The following CSMD1 variants were observed in gnomAD, a reference collection of about 807,000 sequenced individuals.
CSMD1 encodes CUB and sushi domain-containing protein 1.
In CSMD1, 213 loss-of-function variants were observed where a neutral mutation model predicts 417.5. The ratio of observed to expected loss-of-function variants is 0.51; its 90% confidence interval spans 0.46 to 0.57. The LOEUF (loss-of-function observed/expected upper bound fraction) is 0.57. Ranked by LOEUF, CSMD1 falls within the 20% of genes least tolerant of loss-of-function variation. CSMD1 has a pLI of 0.00. For synonymous variants in CSMD1, 2,862 were observed against 1,736.8 expected, an observed-to-expected ratio of 1.65 and a Z score of -16.11; for missense variants, 6,923 against 4,529.7, an observed-to-expected ratio of 1.53 and a Z score of -15.17.
intron 11 of CSMD1, among the ~76,000 whole-genome samples, chr8:3,487,783 C>T (rs1318940542): frequency 6.6e-6 from 1 of 152,086 alleles, no homozygotes; most frequent in Non-Finnish European, 1.5e-5. Context: ...ACACTAAGTG[C>T]TAAAAGAATC....
intron 5 of CSMD1, among the ~76,000 whole-genome samples, chr8:3,966,804 G>C (rs1044774925): frequency 1.3e-5 from 2 of 151,908 alleles, no homozygotes; most frequent in African/African-American, 2.4e-5. Flanking sequence ...TAAATCCCAA[G>C]AAATAATGTA....
At chr8:4,072,822 C>T (rs189889378) in intron 3 of CSMD1, among the ~76,000 whole-genome samples, 17 of 152,188 alleles carry the variant, frequency 1.1e-4, no homozygotes, top group Admixed American at 9.8e-4. Flanking sequence ...TCAAGGCAGC[C>T]CAAAAGCCGT....
intron 3 of CSMD1, among the ~76,000 whole-genome samples, chr8:4,400,095 C>A (rs1279789754): frequency 6.6e-6 from 1 of 151,970 alleles, no homozygotes; most frequent in Non-Finnish European, 1.5e-5. Flanking sequence ...AATACGAGTA[C>A]ATTAAAATAG....
chr8:4,482,940 G>A (rs569951662), intron 2 of CSMD1, among the ~76,000 whole-genome samples: 26 of 152,094 alleles, frequency 1.7e-4, no homozygotes, highest in Non-Finnish European at 7.3e-5. Flanking sequence ...TATGGGAGGC[G>A]TAGGTATAAA....
chr8:2,942,216 G>A (rs73657523), intron 69 of CSMD1, among the ~76,000 whole-genome samples: 107 of 152,094 alleles, frequency 7.0e-4, no homozygotes, highest in African/African-American at 2.5e-3. Context: ...ACAGCTGATG[G>A]GTGCTGGGCT....
chr8:3,048,904 G>C (rs1401312023), intron 50 of CSMD1, among the ~76,000 whole-genome samples: 1 of 151,298 alleles, frequency 6.6e-6, no homozygotes, highest in Non-Finnish European at 1.5e-5. Flanking sequence ...TTAACAACCT[G>C]GCTAAAAATG....
At chr8:4,369,688 C>T (rs73510610) in intron 3 of CSMD1, among the ~76,000 whole-genome samples, 7,024 of 152,158 alleles carry the variant, frequency 0.046, 414 homozygotes, top group African/African-American at 0.13. Context: ...TTTATCATTA[C>T]GTAATGCCCT....
intron 5 of CSMD1, among the ~76,000 whole-genome samples, chr8:3,875,761 G>A (rs908601055): frequency 1.3e-5 from 2 of 152,208 alleles, no homozygotes; most frequent in Non-Finnish European, 2.9e-5. Flanking sequence ...GAGACAGCCA[G>A]TGAAGACCTC....
At chr8:4,039,885 G>A (rs779096352) in intron 3 of CSMD1, among the ~76,000 whole-genome samples, 1 of 152,148 alleles carries the variant, frequency 6.6e-6, no homozygotes. Context: ...AAATTACTTA[G>A]ATCTTAGTTT....
intron 1 of CSMD1, among the ~76,000 whole-genome samples, chr8:4,908,803 G>T (rs1036317389): frequency 7.2e-5 from 11 of 152,022 alleles, no homozygotes; most frequent in Admixed American, 3.3e-4. Context: ...CTTACATGTT[G>T]TCTACTTTTC....
intron 10 of CSMD1, among the ~76,000 whole-genome samples, chr8:3,543,096 C>T (rs982992846): frequency 2.0e-5 from 3 of 152,166 alleles, no homozygotes; most frequent in South Asian, 4.1e-4. Context: ...CTGCTTCATG[C>T]ATCGTGAGCA....
At chr8:3,141,116 G>C (rs989203690) in intron 41 of CSMD1, among the ~76,000 whole-genome samples, 2 of 152,194 alleles carry the variant, frequency 1.3e-5, no homozygotes, top group African/African-American at 4.8e-5. Context: ...AAATGGGAAA[G>C]CTACATGATG....
chr8:4,364,040 G>C (rs3910077), intron 3 of CSMD1, among the ~76,000 whole-genome samples: 31,465 of 152,086 alleles, frequency 0.21, 3,614 homozygotes, highest in South Asian at 0.3. Flanking sequence ...CAATAACTAA[G>C]ACTATAATTG....
At chr8:4,952,515 T>C (rs895831449) in intron 1 of CSMD1, among the ~76,000 whole-genome samples, 2 of 152,060 alleles carry the variant, frequency 1.3e-5, no homozygotes, top group Non-Finnish European at 2.9e-5. Flanking sequence ...TTTCATGAAT[T>C]ACTTAAATTC....
At chr8:3,388,249 G>T (rs530675823) in intron 17 of CSMD1, among the ~76,000 whole-genome samples, 1 of 152,176 alleles carries the variant, frequency 6.6e-6, no homozygotes. Flanking sequence ...TCAGCCACTT[G>T]CAAGATAGCT....
Position 3,332,692 on chromosome 8 carries a change from C to T in CSMD1, c.3631+10602G>A, listed in dbSNP as rs537258777. Among the ~76,000 whole-genome samples, 8 of 152,254 alleles carry T rather than the reference C, an allele frequency of 5.3e-5. No homozygotes were observed. In the South Asian group the frequency reaches 1.7e-3, roughly 32 times the overall value. ...GAGTGCGTGCATGTGTGCGTGCGCA[C>T]ACACACACACTTTATTTTAAATGAA... On this transcript the variant is annotated intron_variant, in intron 23 of 69. Transcript: ENST00000635120.
At chr8:4,082,236 CAA>C (rs1800176987) in intron 3 of CSMD1, among the ~76,000 whole-genome samples, 1 of 151,992 alleles carries the variant, frequency 6.6e-6, no homozygotes, top group African/African-American at 2.4e-5. Context: ...GTAAAATGGA[CAA>C]AGTCCTAGAA....
chr8:4,006,429 A>G (rs1271455946), intron 4 of CSMD1, among the ~76,000 whole-genome samples: 1 of 152,164 alleles, frequency 6.6e-6, no homozygotes, highest in African/African-American at 2.4e-5. Context: ...CTGTAATTCC[A>G]GCTTCTTGGG....
At chr8:3,359,591 G>A (rs992947449) in intron 20 of CSMD1, among the ~76,000 whole-genome samples, 52 of 151,350 alleles carry the variant, frequency 3.4e-4, no homozygotes, top group Admixed American at 3.4e-3. Flanking sequence ...ACTAGAGGCT[G>A]GGAAGGGGGT....
Sources: gnomAD v4.1 joint callset for allele counts (sites outside exome capture counted in the v4.1 genomes callset) on GRCh38, gnomAD v4.1.1 for gene constraint, MANE v1.5 for transcripts, NCBI Gene and HGNC (gene_info 2026-07-23, HGNC 2026-07-21) for gene names.